Variants in WFS1 observed in about 807,000 individuals in gnomAD.
WFS1 encodes wolframin.
In WFS1, 90 loss-of-function variants were observed where a neutral mutation model predicts 68.5. The ratio of observed to expected loss-of-function variants is 1.31; its 90% CI spans 1.11 to 1.56. The LOEUF (loss-of-function observed/expected upper bound fraction) is 1.56. WFS1 is among the 40% of genes most tolerant of loss of function. The probability of loss-of-function intolerance (pLI) is 0.00; values close to 1 mark genes in which losing one functional copy is unlikely to be tolerated. For synonymous variants in WFS1, 860 were observed against 540.7 expected (o/e 1.59, Z -8.19); for missense variants, 1,767 against 1,232.6 (o/e 1.43, Z -6.49).
Position 6,302,026 on chromosome 4 carries a change from C to T in WFS1, c.2231C>T (p.Pro744Leu). The change falls in exon 8 of 8, where the codon CCT (proline) becomes CTT (leucine). Residue 744 changes from proline to leucine, a missense_variant. Pro to Leu is a moderately conservative substitution (Grantham distance 98). Transcript: ENST00000226760. ...LYGEAYPACS[P>L]GNTSTAEEEL... ...GGCGAGGCCTACCCTGCCTGCAGCC[C>T]TGGCAACACCTCCACGGCCGAGGAG... The T allele has an allele frequency of 3.1e-6, 5 of 1,612,794 alleles. No individual in the cohort carries two copies. Among genetic ancestry groups the T allele is most frequent in the Non-Finnish European group, 4.2e-6 (5 of 1,179,934 alleles).
rs147764877 is a variant in WFS1 at position 6,276,335 on chromosome 4, T to C, written c.-5-1116T>C. 2.0e-4 allele frequency among the ~76,000 whole-genome samples: 30 copies of C among 152,242 alleles called. No individual in the cohort carries two copies. In the East Asian group the frequency reaches 4.6e-3, roughly 24 times the overall value. On this transcript the variant is annotated intron_variant, in intron 1 of 7. Transcript: ENST00000226760. The stretch of plus-strand genomic sequence containing the variant: ...TCCTTCATTACAGGGATGGTGGTGT[T>C]TTTCCATGTTGCTAAGCAGCATGTG...
rs1009948351 is a variant in WFS1, at chr4:6,283,048, G to A, written c.233-4045G>A. Among the ~76,000 whole-genome samples, 1 of 152,214 alleles carries A rather than the reference G, an allele frequency of 6.6e-6. No homozygotes were observed. The highest frequency in any genetic ancestry group is 6.5e-5 in the Admixed American group (1 of 15,286). ...CTGGCGGAGCCTGTGATAGACGATG[G>A]ACGATGACCCAGGTTCCAGCAAGAT... On this transcript the variant is annotated intron_variant, in intron 2 of 7. Transcript: ENST00000226760. The surrounding 1 kb of genome is among the most constrained non-coding windows in gnomAD (Gnocchi z 5.0).
At chr4:6,294,963 C>G (rs1453539384) in intron 6 of WFS1, 78 bp from the exon 7 acceptor site, 1 of 1,608,582 alleles carries the variant, frequency 6.2e-7, no homozygotes, top group Admixed American at 1.7e-5. Flanking sequence ...CGCCACCGTC[C>G]CCAGCCCATT....
rs1310304264 is a variant in WFS1, at chr4:6,301,422, C to T, written c.1627C>T (p.Leu543Phe). 6.2e-7 allele frequency: 1 copy of T among 1,612,472 alleles called. No individual in the cohort carries two copies. The highest frequency in any genetic ancestry group is 8.5e-7 in the Non-Finnish European group (1 of 1,180,038). The stretch of plus-strand genomic sequence containing the variant: ...CCTGGTGTGCTTCATGTGGTGTGAG[C>T]TCTCCGTGGTCATCCTGCTGGAGTC... ...PYLVCFMWCE[L>F]SVVILLESTG... Residue 543 changes from leucine to phenylalanine, a missense_variant, in exon 8 of 8, where the codon CTC becomes TTC. Leu to Phe is a conservative substitution (Grantham distance 22). Transcript: ENST00000226760.
At chr4:6,295,730 A>C (rs1730621292) in intron 7 of WFS1, among the ~76,000 whole-genome samples, 1 of 152,208 alleles carries the variant, frequency 6.6e-6, no homozygotes, top group South Asian at 2.1e-4. Flanking sequence ...GCACACCTGG[A>C]GGACATGAGC....
Position 6,302,799 on chromosome 4 carries a change from C to T in WFS1, c.*331C>T. On this transcript the variant is annotated 3_prime_UTR_variant, in exon 8 of 8. Transcript: ENST00000226760. ...TTTACAGATGAGATTCCCTCTCCTC[C>T]CCCACCTTCAAGCACCCTGTTCCCT... The T allele has an allele frequency of 2.3e-6, 1 of 439,522 alleles. No homozygotes were observed. The highest frequency in any genetic ancestry group is 3.2e-5 in the South Asian group (1 of 31,710). 27.2% of individuals were successfully genotyped at this position (439,522 alleles called of 1,614,324 possible).
In WFS1 at chr4:6,295,393, G is replaced by A. The variant is rs116145444; in HGVS notation, c.861+204G>A. ...GAGAGAGGCCTTTCTTTTCTGCGCC[G>A]TCAGGCTCAGAAACCAGGGGCGGTG... On this transcript the variant is annotated intron_variant, in intron 7 of 7. Transcript: ENST00000226760. 0.017 allele frequency among the ~76,000 whole-genome samples: 2,554 copies of A among 152,220 alleles called. 61 individuals are homozygous for A. The highest frequency in any genetic ancestry group is 0.058 in the African/African-American group (2,410 of 41,518).
intron 7 of WFS1, among the ~76,000 whole-genome samples, chr4:6,298,987 C>CG (rs1202197316): frequency 9.2e-5 from 14 of 152,236 alleles, no homozygotes; most frequent in African/African-American, 3.1e-4. Context: ...GGCTTCCCTA[C>CG]CCCCATGTGG....
Position 6,291,359 on chromosome 4 carries a change from A to C in WFS1, c.623A>C (p.Asn208Thr), listed in dbSNP as rs776488772. Reference sequence around the variant, plus strand: ...CTGCTGGAGAATGTCGGCCAGGTCAACGAGCACGGTGCGAGGATTCACCCT... The same window carrying C: ...CTGCTGGAGAATGTCGGCCAGGTCACCGAGCACGGTGCGAGGATTCACCCT... ...AELLENVGQV[N>T]EHDGGAQPGP... The change falls in exon 5 of 8, where the codon AAC (asparagine) becomes ACC (threonine). Residue 208 changes from asparagine to threonine, a missense_variant. Asn to Thr is a moderately conservative substitution (Grantham distance 65). Coordinates refer to ENST00000226760, the MANE Select transcript of WFS1 (RefSeq NM_006005.3). 6 of 1,612,696 alleles carry C rather than the reference A, an allele frequency of 3.7e-6. No individual in the cohort carries two copies. Among genetic ancestry groups the C allele is most frequent in the Non-Finnish European group, 5.1e-6 (6 of 1,180,004 alleles).
intron 7 of WFS1, among the ~76,000 whole-genome samples, chr4:6,299,166 C>T (rs537851767): frequency 2.8e-4 from 43 of 152,348 alleles, no homozygotes; most frequent in African/African-American, 1.0e-3. Flanking sequence ...TGTGTTCTGG[C>T]AGGGCTCAGG....
At position 6,269,901 on chromosome 4, in the gene WFS1, C is replaced by T. The variant is rs1729747750; in HGVS notation, c.-119C>T. 1.3e-5 allele frequency: 2 copies of T among 152,366 alleles called. No homozygotes were observed. Among genetic ancestry groups the T allele is most frequent in the East Asian group, 3.9e-4 (2 of 5,170 alleles). 9.4% of individuals were successfully genotyped at this position (152,366 alleles called of 1,614,324 possible). A position where few individuals can be genotyped will look rare whatever the true frequency, so the allele number is the denominator to read the frequency against. ...TTCAGCAGCGAGTGCAGATTGCTCC[C>T]CCGCGGCCGCAGATCTCCCGTTTGC... is the stretch of plus-strand genomic sequence containing the variant. On this transcript the variant is annotated 5_prime_UTR_variant, in exon 1 of 8. Transcript: ENST00000226760.
In WFS1 at chr4:6,287,060, G is replaced by C. The variant is rs372842434; in HGVS notation, c.233-33G>C. 4.5e-6 allele frequency: 7 copies of C among 1,544,512 alleles called. No homozygotes were observed. The African/African-American group carries it at 6.8e-5, about 15-fold the overall frequency. ...CTGACAAGTGACAAAGTCTGGCTTT[G>C]TGACATGTGTGTTTGTTTCTTCTGT... On this transcript the variant is annotated intron_variant, in intron 2 of 7. Coordinates refer to ENST00000226760, the MANE Select transcript of WFS1 (RefSeq NM_006005.3). The surrounding 1 kb of genome is among the most constrained non-coding windows in gnomAD (Gnocchi z 6.4).
intron 3 of WFS1, among the ~76,000 whole-genome samples, chr4:6,288,159 G>A (rs1375509025): frequency 6.6e-6 from 1 of 150,844 alleles, no homozygotes; most frequent in Non-Finnish European, 1.5e-5. Context: ...GGAGGTTGCA[G>A]TGAGCCGAGA....
chr4:6,272,299 C>A (rs906098321), intron 1 of WFS1, among the ~76,000 whole-genome samples: 1 of 152,244 alleles, frequency 6.6e-6, no homozygotes, highest in Non-Finnish European at 1.5e-5. Flanking sequence ...CCAGGCCAGG[C>A]CTGGAGCAGG....
chr4:6,277,202 G>A (rs927515714), intron 1 of WFS1, among the ~76,000 whole-genome samples: 3 of 152,220 alleles, frequency 2.0e-5, no homozygotes, highest in East Asian at 1.9e-4. Context: ...TCCAGGCCTC[G>A]GCATGTGCAG....
intron 1 of WFS1, among the ~76,000 whole-genome samples, chr4:6,275,856 G>A (rs967821130): frequency 6.6e-6 from 1 of 152,210 alleles, no homozygotes; most frequent in Non-Finnish European, 1.5e-5. Flanking sequence ...AGACCTGGCT[G>A]CTCAGTGCCA....
intron 5 of WFS1, 73 bp from the exon 6 acceptor site, chr4:6,291,844 A>G (rs1248878554): frequency 1.3e-6 from 2 of 1,491,302 alleles, no homozygotes; most frequent in Admixed American, 2.0e-5. Context: ...ACAGTGCGCC[A>G]GTTTCTGGTG....
chr4:6,277,776 C>A lies in WFS1; in HGVS notation c.232+89C>A, dbSNP rs1289205087. 5 of 1,445,444 alleles carry A rather than the reference C, an allele frequency of 3.5e-6. No individual in the cohort carries two copies. The African/African-American group carries it at 4.2e-5, about 12-fold the overall frequency. The allele number at this position is 1,445,444 out of a possible 1,614,324, so 89.5% of individuals were successfully genotyped here. A position where few individuals can be genotyped will look rare whatever the true frequency, so the allele number is the denominator to read the frequency against. ...TTCAGCCACCCCTGGAGGGTCCCCC[C>A]GCCAGGTCCTCTGCAGTTCAGCATT... On this transcript the variant is annotated intron_variant, in intron 2 of 7. Coordinates refer to ENST00000226760, the MANE Select transcript of WFS1 (RefSeq NM_006005.3).
chr4:6,296,147 C>G (rs1056165084), intron 7 of WFS1, among the ~76,000 whole-genome samples: 2 of 152,192 alleles, frequency 1.3e-5, no homozygotes, highest in African/African-American at 4.8e-5. Flanking sequence ...CACCAACTGT[C>G]AGGCAGGCAG....
Sources: allele counts gnomAD v4.1 joint callset (sites outside exome capture counted in the v4.1 genomes callset), GRCh38; gene constraint gnomAD v4.1.1; non-coding constraint Gnocchi (gnomAD v3.1); transcripts MANE v1.5; gene names NCBI Gene and HGNC (gene_info 2026-07-23, HGNC 2026-07-21).